The following ERC2 variants were observed in gnomAD, a reference collection of about 807,000 sequenced individuals.
ERC2 encodes the protein ERC protein 2.
A neutral mutation model predicts 114.8 loss-of-function variants in ERC2; 42 were observed. The observed-to-expected ratio is 0.37, with a 90% CI of 0.29 to 0.47. ERC2 has a LOEUF of 0.47. Ranked by LOEUF, ERC2 falls within the 20% of genes least tolerant of loss-of-function variation. ERC2 has a pLI of 0.99. For synonymous variants in ERC2, 454 were observed against 425.5 expected (o/e 1.07, Z -0.82); for missense variants, 939 against 1,150.7 (o/e 0.82, Z 2.66).
chr3:55,771,708 C>T (rs62249344), intron 14 of ERC2, among the ~76,000 whole-genome samples: 12,001 of 139,906 alleles, frequency 0.086, 846 homozygotes, highest in African/African-American at 0.2. Context: ...GTAACTCTTG[C>T]TCCCATTGCA....
intron 1 of ERC2, among the ~76,000 whole-genome samples, chr3:56,439,572 CACAA>C (rs1308454118): frequency 1.2e-4 from 18 of 152,352 alleles, no homozygotes; most frequent in South Asian, 2.1e-4. Context: ...AACGTCCCTT[CACAA>C]ACAGTCTATT....
chr3:56,080,125 C>T (rs2077162403), intron 7 of ERC2, among the ~76,000 whole-genome samples: 2 of 151,944 alleles, frequency 1.3e-5, no homozygotes, highest in Non-Finnish European at 2.9e-5. Context: ...CTCTTCACAC[C>T]CACCCTTTTA....
intron 14 of ERC2, among the ~76,000 whole-genome samples, chr3:55,882,139 G>A (rs1026649813): frequency 6.6e-6 from 1 of 152,178 alleles, no homozygotes; most frequent in Non-Finnish European, 1.5e-5. Flanking sequence ...TCCCTTGGGG[G>A]TGAGTGAGTT....
intron 14 of ERC2, among the ~76,000 whole-genome samples, chr3:55,756,176 A>T (rs953399776): frequency 3.3e-5 from 5 of 152,220 alleles, no homozygotes; most frequent in Non-Finnish European, 7.3e-5. Flanking sequence ...AACATTTACA[A>T]ATTGAAACAC....
At chr3:56,249,493 T>A in intron 3 of ERC2, among the ~76,000 whole-genome samples, 1 of 151,466 alleles carries the variant, frequency 6.6e-6, no homozygotes, top group East Asian at 2.0e-4. Context: ...GCCCAGCTAA[T>A]TTTTTTGTAT....
rs1177599103 is a variant in ERC2, at chr3:56,311,245, CTCTCTCTCTCTATATATATA to C, written c.658-14830_658-14811del. 3.8e-3 allele frequency among the ~76,000 whole-genome samples: 98 copies of C among 26,118 alleles called. 2 individuals are homozygous for C. The highest frequency in any genetic ancestry group is 9.6e-3 in the African/African-American group (94 of 9,814). 17.1% of individuals were successfully genotyped at this position (26,118 alleles called of 152,430 possible). A position where few individuals can be genotyped will look rare whatever the true frequency, so the allele number is the denominator to read the frequency against. On this transcript the variant is annotated intron_variant, in intron 2 of 17. Transcript: ENST00000288221. ...TATCCATCATCTTCTCTCTCTCTCTCTCTCTCTCTCTATATATATATATATATATATATATATATATATAT... is the reference window on the plus strand; with the variant it reads ...TATCCATCATCTTCTCTCTCTCTCTCTATATATATATATATATATATATAT...
chr3:56,197,293 G>A (rs989626322), intron 3 of ERC2, among the ~76,000 whole-genome samples: 1 of 152,164 alleles, frequency 6.6e-6, no homozygotes, highest in African/African-American at 2.4e-5. Context: ...GCTTCACAGG[G>A]ATAAAAGAGT....
chr3:56,445,956 A>G (rs1474364601), intron 1 of ERC2, among the ~76,000 whole-genome samples: 9 of 151,922 alleles, frequency 5.9e-5, no homozygotes, highest in African/African-American at 1.7e-4. Flanking sequence ...TTTTTATAAG[A>G]GAAGCTGACT....
In ERC2 at chr3:55,813,491, G is replaced by A. The variant is rs143477255; in HGVS notation, c.2564+74898C>T. Among the ~76,000 whole-genome samples, 165 of 152,200 alleles carry A rather than the reference G, an allele frequency of 1.1e-3. 1 individual carries two copies. The highest frequency in any genetic ancestry group is 3.4e-3 in the African/African-American group (140 of 41,516). On this transcript the variant is annotated intron_variant, in intron 14 of 17. Transcript: ENST00000288221. ...CAGCTCATTCCTTGGTTCTGTGCTC[G>A]TTCCCTTACTCCACACTGCTTCTCA... is the stretch of plus-strand genomic sequence containing the variant.
At chr3:55,689,709 C>T (rs2062535027) in intron 16 of ERC2, among the ~76,000 whole-genome samples, 1 of 151,538 alleles carries the variant, frequency 6.6e-6, no homozygotes, top group Non-Finnish European at 1.5e-5. Context: ...AGGAGAATCG[C>T]TTGAACCTGG....
At chr3:56,396,974 A>C (rs545790828) in intron 2 of ERC2, among the ~76,000 whole-genome samples, 1 of 152,230 alleles carries the variant, frequency 6.6e-6, no homozygotes, top group Non-Finnish European at 1.5e-5. Flanking sequence ...CAAGCCACTG[A>C]AGAGTAATCA....
In ERC2 at chr3:56,350,504, C is replaced by T. The variant is rs1041517592; in HGVS notation, c.658-54069G>A. Among the ~76,000 whole-genome samples, 6 of 152,214 alleles carry T rather than the reference C, an allele frequency of 3.9e-5. No homozygotes were observed. In the East Asian group the frequency reaches 1.2e-3, roughly 29 times the overall value. On this transcript the variant is annotated intron_variant, in intron 2 of 17. Coordinates refer to ENST00000288221, the MANE Select transcript of ERC2 (RefSeq NM_015576.3). ...GATTTTAAAGTTTACAGCTCAAACT[C>T]AGGAAATTCCAGTATGAAGACAAAT...
chr3:56,241,007 A>G (rs1250279471), intron 3 of ERC2, among the ~76,000 whole-genome samples: 1 of 152,096 alleles, frequency 6.6e-6, no homozygotes, highest in Non-Finnish European at 1.5e-5. Flanking sequence ...CCTAGTGTCT[A>G]CTGTTACCCT....
intron 14 of ERC2, among the ~76,000 whole-genome samples, chr3:55,856,390 C>T (rs2061784600): frequency 6.6e-6 from 1 of 152,208 alleles, no homozygotes; most frequent in Non-Finnish European, 1.5e-5. Context: ...GAACAGAACA[C>T]CATTCATTCT....
chr3:55,824,268 C>T (rs1377575172), intron 14 of ERC2, among the ~76,000 whole-genome samples: 1 of 152,172 alleles, frequency 6.6e-6, no homozygotes, highest in Non-Finnish European at 1.5e-5. Flanking sequence ...TCTCCAGGCT[C>T]TCTCCATTTC....
At chr3:55,915,332 C>T (rs571493895) in intron 13 of ERC2, among the ~76,000 whole-genome samples, 51 of 151,822 alleles carry the variant, frequency 3.4e-4, no homozygotes, top group African/African-American at 1.0e-3. Flanking sequence ...CAGACAGAAA[C>T]GGTCATTTTA....
intron 17 of ERC2, among the ~76,000 whole-genome samples, chr3:55,540,883 G>C (rs1015897939): frequency 1.3e-5 from 2 of 152,174 alleles, no homozygotes; most frequent in African/African-American, 4.8e-5. Context: ...TGGAAGGGTT[G>C]GCTGTTCCTT....
chr3:55,766,224 A>G (rs1447899270), intron 14 of ERC2, among the ~76,000 whole-genome samples: 1 of 151,270 alleles, frequency 6.6e-6, no homozygotes, highest in East Asian at 1.9e-4. Context: ...GAGAGGGGGC[A>G]TCTGCCCCCA....
intron 2 of ERC2, among the ~76,000 whole-genome samples, chr3:56,394,478 A>G (rs1331003596): frequency 1.3e-5 from 2 of 152,180 alleles, no homozygotes; most frequent in Non-Finnish European, 2.9e-5. Flanking sequence ...AAATCAATAT[A>G]ATCTAGAATA....
Sources: gnomAD v4.1 joint callset for allele counts (sites outside exome capture counted in the v4.1 genomes callset) on GRCh38, gnomAD v4.1.1 for gene constraint, MANE v1.5 for transcripts, NCBI Gene and HGNC (gene_info 2026-07-23, HGNC 2026-07-21) for gene names.